The following LARGE1 variants were observed in gnomAD, a reference collection of about 807,000 sequenced individuals.
LARGE1 encodes LARGE xylosyl- and glucuronyltransferase 1, also known as xylosyl- and glucuronyltransferase LARGE1.
A neutral mutation model predicts 87.6 loss-of-function variants in LARGE1; 43 were observed. The observed-to-expected ratio is 0.49, with a 90% CI of 0.38 to 0.63. The LOEUF (loss-of-function observed/expected upper bound fraction) is 0.63. LARGE1 is among the 30% of genes least tolerant of loss of function. The pLI, the probability that LARGE1 is intolerant of heterozygous loss-of-function variation, is 0.00. For synonymous variants in LARGE1, 434 were observed against 394.6 expected (o/e 1.10, Z -1.18); for missense variants, 802 against 1,000.2 (o/e 0.80, Z 2.67).
At chr22:33,618,991 T>C (rs927064350) in intron 4 of LARGE1, among the ~76,000 whole-genome samples, 1 of 152,168 alleles carries the variant, frequency 6.6e-6, no homozygotes, top group African/African-American at 2.4e-5. Context: ...TCTGAGCCCA[T>C]AAGAAGCCTT....
chr22:33,108,333 C>T, the LARGE1 span, among the ~76,000 whole-genome samples: 1 of 152,170 alleles, frequency 6.6e-6, no homozygotes, highest in Non-Finnish European at 1.5e-5. Flanking sequence ...ACGAGGGAGA[C>T]AGACACGTGC....
chr22:33,205,734 C>T (rs562974248), intron 11 of LARGE1, among the ~76,000 whole-genome samples: 1 of 152,198 alleles, frequency 6.6e-6, no homozygotes, highest in East Asian at 1.9e-4. Context: ...TTTAGTACTA[C>T]TCAAGAGGGG....
At position 33,766,933 on chromosome 22, in the gene LARGE1, T is replaced by C. The variant is rs909901563; in HGVS notation, c.-82-5375A>G. Among the ~76,000 whole-genome samples the C allele has an allele frequency of 2.0e-3, 39 of 19,540 alleles. 1 individual carries two copies. Among genetic ancestry groups the C allele is most frequent in the African/African-American group, 5.5e-3 (36 of 6,530 alleles). 12.8% of individuals were successfully genotyped at this position (19,540 alleles called of 152,430 possible). A position where few individuals can be genotyped will look rare whatever the true frequency, so the allele number is the denominator to read the frequency against. On this transcript the variant is annotated intron_variant, in intron 1 of 14. Transcript: ENST00000397394. The stretch of plus-strand genomic sequence containing the variant: ...ATATACATATATATATATATATATA[T>C]ATATATATATATATATATATATATA...
At position 33,697,289 on chromosome 22, in the gene LARGE1, C is replaced by T. The variant is rs116757215; in HGVS notation, c.107-46621G>A. 3.2e-3 allele frequency among the ~76,000 whole-genome samples: 482 copies of T among 152,212 alleles called. 2 individuals are homozygous for T. The highest frequency in any genetic ancestry group is 9.9e-3 in the African/African-American group (413 of 41,538). ...AGATCTCAGCAGATACAGCAGGGTCCGTAAGGGAGCAGCCACCCCATGGCT... is the reference window on the plus strand; with the variant it reads ...AGATCTCAGCAGATACAGCAGGGTCTGTAAGGGAGCAGCCACCCCATGGCT... On this transcript the variant is annotated intron_variant, in intron 2 of 14. Transcript: ENST00000397394.
chr22:33,104,945 TTCTCTTTC>T, the LARGE1 span, among the ~76,000 whole-genome samples: 63 of 137,652 alleles, frequency 4.6e-4, no homozygotes, highest in African/African-American at 1.2e-3. Flanking sequence ...CTTTCTTTCT[TTCTCTTTC>T]TCTCTTTCTC....
chr22:33,285,102 C>T (rs1482055854), intron 12 of LARGE1, among the ~76,000 whole-genome samples: 1 of 152,212 alleles, frequency 6.6e-6, no homozygotes, highest in Non-Finnish European at 1.5e-5. Context: ...CACTATTACA[C>T]TGCAGTGCTA....
chr22:33,203,083 C>CTGTG (rs1200016647), intron 11 of LARGE1, among the ~76,000 whole-genome samples: 2 of 135,268 alleles, frequency 1.5e-5, no homozygotes, highest in African/African-American at 2.8e-5. Flanking sequence ...CTCTCTCTCT[C>CTGTG]TCTCTCTCTC....
intron 2 of LARGE1, among the ~76,000 whole-genome samples, chr22:33,758,097 C>T (rs969173759): frequency 6.6e-6 from 1 of 152,184 alleles, no homozygotes; most frequent in African/African-American, 2.4e-5. Context: ...TCAGCATGAT[C>T]CTCATTATGA....
intron 3 of LARGE1, among the ~76,000 whole-genome samples, chr22:33,626,763 G>T (rs1225847949): frequency 6.6e-6 from 1 of 152,200 alleles, no homozygotes; most frequent in Non-Finnish European, 1.5e-5. Flanking sequence ...GTTGGGTTAG[G>T]GTCAACCTAA....
At chr22:33,514,094 G>A (rs979107401) in intron 6 of LARGE1, among the ~76,000 whole-genome samples, 10 of 152,136 alleles carry the variant, frequency 6.6e-5, no homozygotes, top group African/African-American at 2.2e-4. Context: ...GTTTGTATAA[G>A]TACACTCAGT....
chr22:33,262,348 A>G (rs1010116954), intron 11 of LARGE1, among the ~76,000 whole-genome samples: 5 of 152,190 alleles, frequency 3.3e-5, no homozygotes, highest in African/African-American at 1.2e-4. Context: ...AACAGTTAGG[A>G]AAGTCCCATT....
chr22:33,291,857 C>T (rs1932647832), intron 12 of LARGE1, among the ~76,000 whole-genome samples: 1 of 151,942 alleles, frequency 6.6e-6, no homozygotes, highest in South Asian at 2.1e-4. Flanking sequence ...CTTTGGGAGG[C>T]CGAGGTTGGG....
chr22:33,188,292 A>G (rs1179642191), intron 11 of LARGE1, among the ~76,000 whole-genome samples: 2 of 152,190 alleles, frequency 1.3e-5, no homozygotes, highest in Non-Finnish European at 2.9e-5. Context: ...TGGAGACAGG[A>G]TGCATAATTC....
Position 33,304,287 on chromosome 22 carries a change from A to G in LARGE1, c.1672T>C (p.Tyr558His), listed in dbSNP as rs767575684. The G allele has an allele frequency of 1.2e-6, 2 of 1,614,266 alleles. No individual in the cohort carries two copies. ...NVAMKHISTP[Y>H]MFLSDIDFLP... is the part of the protein sequence containing the mutation. ...AAGTCAATGTCAGACAGGAACATGT[A>G]GGGAGTGCTGATGTGCTTCATGGCC... The change falls in exon 12 of 15, where the codon TAC becomes CAC. Residue 558 changes from tyrosine to histidine, a missense_variant. Coordinates refer to ENST00000397394, the MANE Select transcript of LARGE1 (RefSeq NM_133642.5).
chr22:33,441,071 C>CTT (rs35976426), intron 6 of LARGE1, among the ~76,000 whole-genome samples: 10,904 of 98,374 alleles, frequency 0.11, 838 homozygotes, highest in Non-Finnish European at 0.13. Flanking sequence ...TTTGTTTGAA[C>CTT]TTTTTTTTTT....
intron 3 of LARGE1, among the ~76,000 whole-genome samples, chr22:33,647,905 G>C (rs1306461770): frequency 1.3e-5 from 2 of 151,964 alleles, no homozygotes; most frequent in Non-Finnish European, 2.9e-5. Context: ...CTACAGATGC[G>C]CGCCACCACA....
At chr22:33,665,041 A>G (rs1293847210) in intron 2 of LARGE1, among the ~76,000 whole-genome samples, 4 of 152,152 alleles carry the variant, frequency 2.6e-5, no homozygotes, top group Admixed American at 2.6e-4. Context: ...CCTGGGATAC[A>G]TAGCAAGCAC....
At chr22:33,753,151 C>G (rs1182803231) in intron 2 of LARGE1, among the ~76,000 whole-genome samples, 1 of 152,044 alleles carries the variant, frequency 6.6e-6, no homozygotes, top group East Asian at 1.9e-4. Flanking sequence ...ACCAGGGAGT[C>G]GGAGGTTGCA....
At chr22:33,572,199 T>C (rs11704984) in intron 5 of LARGE1, 2 of 1,291,068 alleles carry the variant, frequency 1.5e-6, no homozygotes, top group Non-Finnish European at 2.0e-6. Context: ...TTTAAAAAAT[T>C]AAAAAAAGAA....
Sources: allele counts gnomAD v4.1 joint callset (sites outside exome capture counted in the v4.1 genomes callset), GRCh38; gene constraint gnomAD v4.1.1; transcripts MANE v1.5; gene names NCBI Gene and HGNC (gene_info 2026-07-23, HGNC 2026-07-21).